Variants in ZNF407 observed in about 807,000 individuals in gnomAD.
ZNF407 encodes zinc finger protein 407.
ZNF407 carries 17 observed loss-of-function variants against 131.2 expected under a neutral mutation model. That is an observed-to-expected ratio of 0.13 (90% confidence interval 0.09 to 0.19). The LOEUF is 0.19. Ranked by LOEUF, ZNF407 falls within the 10% of genes least tolerant of loss-of-function variation. ZNF407 has a pLI of 1.00. For synonymous variants in ZNF407, 1,156 were observed against 1,062.0 expected (o/e 1.09, Z -1.72); for missense variants, 2,681 against 2,830.6 (o/e 0.95, Z 1.20).
intron 3 of ZNF407, among the ~76,000 whole-genome samples, chr18:74,661,624 C>T (rs1985720285): frequency 6.6e-6 from 1 of 152,024 alleles, no homozygotes. Flanking sequence ...TTAGGCTAAA[C>T]AGCAGTTGCT....
chr18:74,751,576 A>T (rs1599122690), intron 3 of ZNF407, among the ~76,000 whole-genome samples: 1 of 151,440 alleles, frequency 6.6e-6, no homozygotes, highest in Non-Finnish European at 1.5e-5. Flanking sequence ...CCTGTGTCCA[A>T]GTGTTCTCAT....
chr18:74,665,506 G>A (rs563858855), intron 3 of ZNF407, among the ~76,000 whole-genome samples: 1 of 152,272 alleles, frequency 6.6e-6, no homozygotes, highest in South Asian at 2.1e-4. Context: ...GACCAGAGCT[G>A]AGTACAAGTT....
intron 4 of ZNF407, among the ~76,000 whole-genome samples, chr18:74,831,221 C>T (rs1260876486): frequency 1.3e-5 from 2 of 152,174 alleles, no homozygotes; most frequent in Non-Finnish European, 2.9e-5. Context: ...TTGTGAACAG[C>T]ATGGCAGTAA....
chr18:74,941,294 GGTGTAGCAT>G (rs1385989114), intron 8 of ZNF407, among the ~76,000 whole-genome samples: 1 of 152,158 alleles, frequency 6.6e-6, no homozygotes, highest in African/African-American at 2.4e-5. Context: ...GTCTGAAGTC[GGTGTAGCAT>G]GTGCATGTCA....
At chr18:74,804,662 A>G (rs1192958946) in intron 4 of ZNF407, 9 of 930,196 alleles carry the variant, frequency 9.7e-6, no homozygotes, top group Non-Finnish European at 1.2e-5. Flanking sequence ...TTTGTATTTC[A>G]TATGTGCTCA....
chr18:74,632,305 G>A lies in ZNF407; in HGVS notation c.1286G>A (p.Arg429Gln), dbSNP rs116304324. 231 of 1,613,964 alleles carry A rather than the reference G, an allele frequency of 1.4e-4. No individual in the cohort carries two copies. The African/African-American group carries it at 2.2e-3, about 15-fold the overall frequency. Residue 429 changes from arginine (R) to glutamine (Q), a missense_variant, in exon 2 of 9, where the codon CGA becomes CAA. Physicochemically the swap from Arg to Gln is conservative, Grantham distance 43. Transcript: ENST00000299687. ...CTCGTGTTGGGTAATAGCTTTCGTCGACGAAGCAGCACTTTCACCTTGAAG... is the reference window on the plus strand; with the variant it reads ...CTCGTGTTGGGTAATAGCTTTCGTCAACGAAGCAGCACTTTCACCTTGAAG... ...NILVLGNSFR[R>Q]RSSTFTLKGQ...
At chr18:74,772,888 G>C (rs6565847) in intron 3 of ZNF407, among the ~76,000 whole-genome samples, 96,962 of 151,962 alleles carry the variant, frequency 0.64, 33,251 homozygotes, top group East Asian at 0.95. Flanking sequence ...GAAAAGTCTT[G>C]GTAGCAAAAA....
At chr18:74,676,482 G>GCCGGA (rs1986370792) in intron 3 of ZNF407, among the ~76,000 whole-genome samples, 2 of 149,984 alleles carry the variant, frequency 1.3e-5, no homozygotes, top group Admixed American at 6.7e-5. Flanking sequence ...TGTCACCCAG[G>GCCGGA]CTGGAGTGCA....
chr18:74,773,789 G>A (rs1969410822), intron 3 of ZNF407, among the ~76,000 whole-genome samples: 1 of 152,094 alleles, frequency 6.6e-6, no homozygotes, highest in African/African-American at 2.4e-5. Context: ...TTCCTTCTGT[G>A]CCCACAATGT....
At chr18:75,054,477 GT>G (rs1973539061) in intron 8 of ZNF407, among the ~76,000 whole-genome samples, 1 of 152,130 alleles carries the variant, frequency 6.6e-6, no homozygotes, top group African/African-American at 2.4e-5. Context: ...TTTTTATAGG[GT>G]TTTGCCAGAA....
intron 8 of ZNF407, among the ~76,000 whole-genome samples, chr18:74,963,312 T>C (rs1972370391): frequency 6.6e-6 from 1 of 152,256 alleles, no homozygotes; most frequent in African/African-American, 2.4e-5. Flanking sequence ...TGGTCCTGTG[T>C]AATAATTCAT....
At chr18:74,826,603 A>G (rs1288214006) in intron 4 of ZNF407, among the ~76,000 whole-genome samples, 1 of 152,152 alleles carries the variant, frequency 6.6e-6, no homozygotes, top group Non-Finnish European at 1.5e-5. Flanking sequence ...GTTTGTCAGT[A>G]ATTTTAATAT....
intron 2 of ZNF407, among the ~76,000 whole-genome samples, chr18:74,638,786 A>G (rs1311038715): frequency 6.6e-6 from 1 of 152,224 alleles, no homozygotes; most frequent in Non-Finnish European, 1.5e-5. Flanking sequence ...TGTACCTGAG[A>G]GAAATATTTA....
intron 8 of ZNF407, among the ~76,000 whole-genome samples, chr18:75,054,318 G>A (rs1433960505): frequency 1.3e-5 from 2 of 152,226 alleles, no homozygotes; most frequent in African/African-American, 4.8e-5. Context: ...CCTCTGTGCG[G>A]TTACTGAGAA....
chr18:74,768,601 T>C (rs1568206859), intron 3 of ZNF407, among the ~76,000 whole-genome samples: 1 of 152,244 alleles, frequency 6.6e-6, no homozygotes, highest in Non-Finnish European at 1.5e-5. Flanking sequence ...TGAGACTTAC[T>C]GAATTTCTTG....
At chr18:74,680,945 T>A (rs973386725) in intron 3 of ZNF407, among the ~76,000 whole-genome samples, 2 of 152,214 alleles carry the variant, frequency 1.3e-5, no homozygotes, top group African/African-American at 4.8e-5. Flanking sequence ...ATTTTAACAA[T>A]TTAAATTCAG....
chr18:74,779,589 T>C (rs1353083073), intron 3 of ZNF407, among the ~76,000 whole-genome samples: 1 of 152,182 alleles, frequency 6.6e-6, no homozygotes, highest in Non-Finnish European at 1.5e-5. Flanking sequence ...TTTTTCTCCA[T>C]GATAATAAAA....
chr18:74,849,067 A>AT lies in ZNF407; in HGVS notation c.4878-28124dup, dbSNP rs1347479859. 1.1e-3 allele frequency among the ~76,000 whole-genome samples: 150 copies of AT among 132,870 alleles called. 2 individuals carry two copies. The highest frequency in any genetic ancestry group is 3.8e-3 in the African/African-American group (136 of 35,688). 87.2% of individuals were successfully genotyped at this position (132,870 alleles called of 152,430 possible). On this transcript the variant is annotated intron_variant, in intron 4 of 8. Transcript: ENST00000299687. Reference sequence around the variant, plus strand: ...ACTTTTGTTTCTTTTTTTTTTTTTTATTTTTTATTTTTTGTTGCTGTTGTT... The same window carrying AT: ...ACTTTTGTTTCTTTTTTTTTTTTTTATTTTTTTATTTTTTGTTGCTGTTGTT...
intron 8 of ZNF407, among the ~76,000 whole-genome samples, chr18:74,972,242 C>T (rs1972481270): frequency 6.6e-6 from 1 of 152,216 alleles, no homozygotes; most frequent in Non-Finnish European, 1.5e-5. Context: ...CCTCCACCTC[C>T]TTCTCACTCC....
Sources: allele counts gnomAD v4.1 joint callset (sites outside exome capture counted in the v4.1 genomes callset), GRCh38; gene constraint gnomAD v4.1.1; transcripts MANE v1.5; gene names NCBI Gene and HGNC (gene_info 2026-07-23, HGNC 2026-07-21).